The following FAM13A variants were observed in gnomAD, a reference collection of about 807,000 sequenced individuals.
FAM13A encodes protein FAM13A.
Under a neutral mutation model 129.6 loss-of-function variants are expected in FAM13A, and 76 were observed. The ratio of observed to expected loss-of-function variants is 0.59; its 90% CI spans 0.49 to 0.71. FAM13A has a LOEUF of 0.71. Ranked by LOEUF, FAM13A falls within the 30% of genes least tolerant of loss-of-function variation. The pLI is 0.00. For synonymous variants in FAM13A, 443 were observed against 449.9 expected, an observed-to-expected ratio of 0.98 and a Z score of 0.20; for missense variants, 1,108 against 1,249.3, an observed-to-expected ratio of 0.89 and a Z score of 1.70.
intron 2 of FAM13A, among the ~76,000 whole-genome samples, chr4:89,023,892 T>C (rs566472029): frequency 3.9e-4 from 60 of 152,182 alleles, no homozygotes; most frequent in Non-Finnish European, 7.1e-4. Context: ...TTTCCTACTC[T>C]AAAATTGTAG....
At chr4:88,826,879 C>T (rs1050218586) in intron 7 of FAM13A, among the ~76,000 whole-genome samples, 1 of 152,146 alleles carries the variant, frequency 6.6e-6, no homozygotes, top group African/African-American at 2.4e-5. Flanking sequence ...TGAATCTGCC[C>T]CTCGCTACTT....
At chr4:88,802,555 A>G (rs1727702217) in intron 8 of FAM13A, among the ~76,000 whole-genome samples, 1 of 152,224 alleles carries the variant, frequency 6.6e-6, no homozygotes, top group South Asian at 2.1e-4. Context: ...ACTGAAATAT[A>G]TGGTAGACTA....
At chr4:88,781,925 G>A (rs1334085363) in intron 10 of FAM13A, among the ~76,000 whole-genome samples, 23 of 150,866 alleles carry the variant, frequency 1.5e-4, no homozygotes, top group Admixed American at 1.1e-3. Context: ...CACCAACATG[G>A]CACATGTATA....
rs372230016 is a variant in FAM13A at position 89,029,527 on chromosome 4, C to A, written c.150G>T (p.Arg50=). Residue 50 remains arginine (R), a synonymous_variant, in exon 2 of 24, where the codon CGG becomes CGT. Coordinates refer to ENST00000264344, the MANE Select transcript of FAM13A (RefSeq NM_014883.4). ...LFGVSLQELE[R]QGLTENGIPA... ...GAATGCCATTCTCGGTGAGCCCCTGCCGTTCAAGTTCTTGGAGACTGACTC... is the reference window on the plus strand; with the variant it reads ...GAATGCCATTCTCGGTGAGCCCCTGACGTTCAAGTTCTTGGAGACTGACTC... 7 of 1,592,148 alleles carry A rather than the reference C, an allele frequency of 4.4e-6. No homozygotes were observed. In the African/African-American group the frequency reaches 9.6e-5, roughly 22 times the overall value.
intron 6 of FAM13A, among the ~76,000 whole-genome samples, chr4:88,900,167 C>A (rs1044699808): frequency 6.6e-6 from 1 of 152,010 alleles, no homozygotes; most frequent in Admixed American, 6.6e-5. Context: ...ACTAGGGTAC[C>A]TGAAAGAGAT....
At chr4:88,807,391 T>A (rs557521579) in intron 7 of FAM13A, among the ~76,000 whole-genome samples, 42 of 152,308 alleles carry the variant, frequency 2.8e-4, no homozygotes, top group African/African-American at 9.9e-4. Context: ...ATTAATTATC[T>A]CAATTAGATA....
chr4:88,737,466 C>A lies in FAM13A; in HGVS notation c.2646+6G>T. ...TTAGCAATGGGTTAGCAGCTGGGGTCTTCACCTTTATCTCCTTGAAGAAGG... is the reference window on the plus strand; with the variant it reads ...TTAGCAATGGGTTAGCAGCTGGGGTATTCACCTTTATCTCCTTGAAGAAGG... On this transcript the variant is annotated splice_donor_region_variant and intron_variant, in intron 21 of 23. Coordinates refer to ENST00000264344, the MANE Select transcript of FAM13A (RefSeq NM_014883.4). 1 of 1,613,300 alleles carries A rather than the reference C, an allele frequency of 6.2e-7. No individual in the cohort carries two copies. Among genetic ancestry groups the A allele is most frequent in the South Asian group, 1.1e-5 (1 of 91,058 alleles).
intron 7 of FAM13A, among the ~76,000 whole-genome samples, chr4:88,849,132 G>C (rs553212815): frequency 6.6e-6 from 1 of 152,264 alleles, no homozygotes; most frequent in East Asian, 1.9e-4. Flanking sequence ...TACATAATAG[G>C]CATGTAGTAA....
intron 6 of FAM13A, among the ~76,000 whole-genome samples, chr4:88,852,911 T>C (rs1182595082): frequency 1.3e-5 from 2 of 152,180 alleles, no homozygotes; most frequent in South Asian, 2.1e-4. Flanking sequence ...TGTATAATTA[T>C]GACTTGTCAA....
chr4:88,788,294 A>G (rs1227865537), intron 9 of FAM13A, among the ~76,000 whole-genome samples: 8 of 152,214 alleles, frequency 5.3e-5, no homozygotes, highest in Admixed American at 1.3e-4. Context: ...TAGTAGACCT[A>G]TTCTTACAAA....
chr4:88,758,449 G>A (rs1219254621), intron 14 of FAM13A, among the ~76,000 whole-genome samples: 1 of 151,788 alleles, frequency 6.6e-6, no homozygotes, highest in Non-Finnish European at 1.5e-5. Context: ...TTGGTACTAT[G>A]AGGGGGAAAA....
chr4:88,991,277 G>A (rs10033476), intron 3 of FAM13A, 127 bp from the exon 4 acceptor site: 60,789 of 631,958 alleles, frequency 0.096, 3,381 homozygotes, highest in African/African-American at 0.15. Flanking sequence ...GATAGGCCTT[G>A]TGTATTTGAC....
chr4:88,846,562 T>C (rs1294119055), intron 7 of FAM13A, among the ~76,000 whole-genome samples: 1 of 152,236 alleles, frequency 6.6e-6, no homozygotes, highest in Non-Finnish European at 1.5e-5. Flanking sequence ...CAGACAGCAT[T>C]GGCTTAATAA....
intron 6 of FAM13A, among the ~76,000 whole-genome samples, chr4:88,864,650 G>C (rs1473615003): frequency 3.3e-5 from 5 of 151,836 alleles, no homozygotes; most frequent in Non-Finnish European, 1.5e-5. Flanking sequence ...CTCATGATCT[G>C]CCTGCCTCAG....
chr4:88,960,155 A>G (rs1254833483), intron 4 of FAM13A, among the ~76,000 whole-genome samples: 1 of 152,228 alleles, frequency 6.6e-6, no homozygotes, highest in East Asian at 1.9e-4. Context: ...ATGTGGAAAT[A>G]TCTATACCAA....
chr4:89,016,959 T>A (rs1380428060), intron 3 of FAM13A, among the ~76,000 whole-genome samples: 2 of 152,186 alleles, frequency 1.3e-5, no homozygotes, highest in Non-Finnish European at 2.9e-5. Context: ...TTTTTAGATA[T>A]GTTGAGATAC....
chr4:88,854,532 C>A (rs1272344067), intron 6 of FAM13A, among the ~76,000 whole-genome samples: 1 of 152,208 alleles, frequency 6.6e-6, no homozygotes, highest in East Asian at 1.9e-4. Flanking sequence ...TTGCTTCTTT[C>A]TTTTACTCAT....
At chr4:88,974,188 C>A (rs1760571038) in intron 4 of FAM13A, among the ~76,000 whole-genome samples, 1 of 152,168 alleles carries the variant, frequency 6.6e-6, no homozygotes, top group African/African-American at 2.4e-5. Flanking sequence ...CTAGAGTTAA[C>A]TGACAGACTT....
intron 6 of FAM13A, among the ~76,000 whole-genome samples, chr4:88,857,725 C>T (rs1276001784): frequency 6.6e-6 from 1 of 150,496 alleles, no homozygotes; most frequent in Non-Finnish European, 1.5e-5. Context: ...CTCCTTAGTT[C>T]TTTGTTTTCC....
Sources: allele counts gnomAD v4.1 joint callset (sites outside exome capture counted in the v4.1 genomes callset), GRCh38; gene constraint gnomAD v4.1.1; transcripts MANE v1.5; gene names NCBI Gene and HGNC (gene_info 2026-07-23, HGNC 2026-07-21).